The following TNFRSF10A variants were observed in gnomAD, a reference collection of about 807,000 sequenced individuals.
The protein encoded by TNFRSF10A is TNF receptor superfamily member 10a, also known as tumor necrosis factor receptor superfamily member 10A.
TNFRSF10A carries 44 observed loss-of-function variants against 42.8 expected under a neutral mutation model. That is an observed-to-expected ratio of 1.03 (90% confidence interval 0.81 to 1.32). The LOEUF (loss-of-function observed/expected upper bound fraction) is 1.32. Ranked by LOEUF, TNFRSF10A falls within the 40% of genes most tolerant of loss-of-function variation. TNFRSF10A has a pLI of 0.00. For missense variants in TNFRSF10A, 680 were observed against 602.0 expected (o/e 1.13, Z -1.36); for synonymous variants, 259 against 234.2 (o/e 1.11, Z -0.97).
chr8:23,198,439 T>G (rs1358920773), intron 8 of TNFRSF10A, among the ~76,000 whole-genome samples: 1 of 152,054 alleles, frequency 6.6e-6, no homozygotes, highest in Non-Finnish European at 1.5e-5. Flanking sequence ...CCTGAAAATA[T>G]TAGAACAAAA....
chr8:23,202,000 C>G (rs1800935562), intron 3 of TNFRSF10A, 81 bp from the exon 4 acceptor site: 1 of 1,280,004 alleles, frequency 7.8e-7, no homozygotes, highest in Non-Finnish European at 1.1e-6. Context: ...AACTCCCTCC[C>G]CCTCAGCTCA....
intron 1 of TNFRSF10A, among the ~76,000 whole-genome samples, chr8:23,221,460 A>T (rs1313348675): frequency 6.6e-6 from 1 of 152,214 alleles, no homozygotes; most frequent in Admixed American, 6.5e-5. Flanking sequence ...GAGAGACGAG[A>T]CGAGGTGGAA....
Position 23,197,766 on chromosome 8 carries a change from A to G in TNFRSF10A, c.1015-562T>C, listed in dbSNP as rs548120372. 1.1e-4 allele frequency among the ~76,000 whole-genome samples: 17 copies of G among 152,326 alleles called. No individual in the cohort carries two copies. In the East Asian group the frequency reaches 3.1e-3, roughly 28 times the overall value. On this transcript the variant is annotated intron_variant, in intron 8 of 9. Transcript: ENST00000221132. ...CCCTGGTGCCAAAAGGTTGGGGACC[A>G]TTCGTTAATAATATAATGTCTTTTG...
intron 1 of TNFRSF10A, among the ~76,000 whole-genome samples, chr8:23,212,581 T>C (rs1801106684): frequency 6.6e-6 from 1 of 152,256 alleles, no homozygotes; most frequent in Non-Finnish European, 1.5e-5. Flanking sequence ...TGTGTGTATA[T>C]GTATTACGTT....
intron 4 of TNFRSF10A, among the ~76,000 whole-genome samples, chr8:23,201,010 G>A (rs1025944667): frequency 2.0e-5 from 3 of 152,136 alleles, no homozygotes; most frequent in African/African-American, 7.2e-5. Context: ...CTTCTGTGCT[G>A]GGCACACACT....
Position 23,202,749 on chromosome 8 carries a change from G to A in TNFRSF10A, c.416C>T (p.Ser139Leu). 1.9e-6 allele frequency: 3 copies of A among 1,610,496 alleles called. No individual in the cohort carries two copies. Among genetic ancestry groups the A allele is most frequent in the African/African-American group, 1.3e-5 (1 of 75,014 alleles). ...CCGGTTACAGGCTCCAGGATGTTCT[G>A]ATCTATGAGATCCTGGGAAGGGAGA... Reference protein sequence around the residue: ...GELCPPGSHRSEHPGACNRCT... With the variant: ...GELCPPGSHRLEHPGACNRCT... Residue 139 changes from serine to leucine, a missense_variant, in exon 3 of 10, where the codon TCA (serine) becomes TTA (leucine). By Grantham distance (145) the Ser-to-Leu change is moderately radical. Coordinates refer to ENST00000221132, the MANE Select transcript of TNFRSF10A (RefSeq NM_003844.4).
chr8:23,208,080 T>C (rs1231406784), intron 2 of TNFRSF10A, among the ~76,000 whole-genome samples: 1 of 152,068 alleles, frequency 6.6e-6, no homozygotes, highest in African/African-American at 2.4e-5. Flanking sequence ...CCTAGAGACT[T>C]GTTGAATGGC....
intron 2 of TNFRSF10A, among the ~76,000 whole-genome samples, chr8:23,208,854 A>G (rs914037235): frequency 6.6e-6 from 1 of 152,248 alleles, no homozygotes; most frequent in African/African-American, 2.4e-5. Context: ...AGGAGAAATT[A>G]AAGATGGCTG....
chr8:23,207,093 A>C (rs1801025849), intron 2 of TNFRSF10A: 1 of 544,630 alleles, frequency 1.8e-6, no homozygotes, highest in Non-Finnish European at 3.5e-6. Context: ...GAGCACCCCC[A>C]GGAGAAACAA....
chr8:23,216,231 G>T (rs780417305), intron 1 of TNFRSF10A, among the ~76,000 whole-genome samples: 1 of 151,978 alleles, frequency 6.6e-6, no homozygotes, highest in Admixed American at 6.6e-5. Flanking sequence ...TTATTTCCTT[G>T]TCATGTTGTT....
intron 6 of TNFRSF10A, 38 bp from the exon 7 acceptor site, chr8:23,199,955 G>T (rs1800884005): frequency 3.1e-6 from 5 of 1,613,822 alleles, no homozygotes; most frequent in Non-Finnish European, 4.2e-6. Flanking sequence ...GCCAGGGAGG[G>T]GCCCATGCAG....
chr8:23,203,016 G>T (rs1013674143), intron 2 of TNFRSF10A, among the ~76,000 whole-genome samples: 1 of 152,004 alleles, frequency 6.6e-6, no homozygotes, highest in Non-Finnish European at 1.5e-5. Context: ...AGAGAATGAG[G>T]TCAAATTAAT....
At chr8:23,216,956 T>C (rs902293456) in intron 1 of TNFRSF10A, among the ~76,000 whole-genome samples, 1 of 152,198 alleles carries the variant, frequency 6.6e-6, no homozygotes, top group Non-Finnish European at 1.5e-5. Flanking sequence ...ATGTGGTCTA[T>C]CTTGGTGAAG....
At chr8:23,219,818 T>C (rs76151364) in intron 1 of TNFRSF10A, among the ~76,000 whole-genome samples, 3,838 of 152,316 alleles carry the variant, frequency 0.025, 161 homozygotes, top group African/African-American at 0.088. Flanking sequence ...TAACATGACC[T>C]AAGCCACACA....
At chr8:23,210,021 T>C (rs1801071332) in intron 2 of TNFRSF10A, among the ~76,000 whole-genome samples, 1 of 152,212 alleles carries the variant, frequency 6.6e-6, no homozygotes. Flanking sequence ...TCCCATGCTG[T>C]TCTCATTATA....
At position 23,212,190 on chromosome 8, in the gene TNFRSF10A, GTTGCAGCTGAGCTAGGTA is replaced by G. The variant is rs1801101906; in HGVS notation, c.311_328del (p.Val104_Thr110delinsAla). The G allele has an allele frequency of 6.2e-7, 1 of 1,613,648 alleles. No individual in the cohort carries two copies. The highest frequency in any genetic ancestry group is 8.5e-7 in the Non-Finnish European group (1 of 1,179,670). ...AATTGATTGATCATGAAGTTTGATG[GTTGCAGCTGAGCTAGGTA>G]CGACCTGTGGGGACAAAGCAGGGAC... On this transcript the variant is annotated inframe_deletion, in exon 2 of 10. Transcript: ENST00000221132.
Position 23,191,689 on chromosome 8 carries a change from GTCTT to G in TNFRSF10A, c.*1_*4del. 1 of 1,609,506 alleles carries G rather than the reference GTCTT, an allele frequency of 6.2e-7. No individual in the cohort carries two copies. Among genetic ancestry groups the G allele is most frequent in the Non-Finnish European group, 8.5e-7 (1 of 1,177,924 alleles). On this transcript the variant is annotated 3_prime_UTR_variant, in exon 10 of 10. Transcript: ENST00000221132. The stretch of plus-strand genomic sequence containing the variant: ...TAAGAGGAAACCTCTGGTAAAAAGA[GTCTT>G]TCACTCCAAGGACACGGCAGAGCCT...
rs1800898445 is a variant in TNFRSF10A, at chr8:23,200,718, C to T, written c.672G>A (p.Trp224Ter). The change falls in exon 5 of 10, where the codon TGG (tryptophan) becomes TGA (stop). Residue 224 changes from tryptophan (W) to a stop codon, truncating the protein, a stop_gained. Transcript: ENST00000221132. LOFTEE classifies it high-confidence loss of function. ...CTTTGTGGACACACTCGATGTCACTCCAGGGCGTACAATCCTTGACCTTGA... is the reference window on the plus strand; with the variant it reads ...CTTTGTGGACACACTCGATGTCACTTCAGGGCGTACAATCCTTGACCTTGA... The part of the protein sequence containing the change: ...GMVKVKDCTP[W>*]SDIECVHKES... The T allele has an allele frequency of 1.2e-6, 2 of 1,614,044 alleles. No homozygotes were observed. Among genetic ancestry groups the T allele is most frequent in the Middle Eastern group, 1.7e-4 (1 of 6,060 alleles).
chr8:23,217,243 G>A (rs951434059), intron 1 of TNFRSF10A, among the ~76,000 whole-genome samples: 2 of 151,574 alleles, frequency 1.3e-5, no homozygotes, highest in South Asian at 2.1e-4. Context: ...TTGAGACGGA[G>A]TCTTGCTCTG....
Sources: gnomAD v4.1 joint callset for allele counts (sites outside exome capture counted in the v4.1 genomes callset) on GRCh38, gnomAD v4.1.1 for gene constraint, MANE v1.5 for transcripts, NCBI Gene and HGNC (gene_info 2026-07-23, HGNC 2026-07-21) for gene names.